TBC1D5: variants seen among roughly 807,000 people sequenced by gnomAD.
The protein encoded by TBC1D5 is TBC1 domain family member 5.
TBC1D5 carries 75 observed loss-of-function variants against 100.3 expected under a neutral mutation model. The ratio of observed to expected loss-of-function variants is 0.75; its 90% CI spans 0.62 to 0.91. The LOEUF (loss-of-function observed/expected upper bound fraction) is 0.91. Ranked by LOEUF, TBC1D5 falls within the 40% of genes least tolerant of loss-of-function variation. The pLI is 0.00. For missense variants in TBC1D5, 910 were observed against 942.4 expected, an observed-to-expected ratio of 0.97 and a Z score of 0.45; for synonymous variants, 323 against 325.6, an observed-to-expected ratio of 0.99 and a Z score of 0.09.
intron 4 of TBC1D5, among the ~76,000 whole-genome samples, chr3:17,419,499 C>T (rs983218736): frequency 2.0e-5 from 3 of 152,160 alleles, no homozygotes; most frequent in African/African-American, 7.2e-5. Flanking sequence ...TTCTAATATA[C>T]TGCAAAAGAA....
intron 17 of TBC1D5, among the ~76,000 whole-genome samples, chr3:17,224,161 T>C (rs2074591543): frequency 6.6e-6 from 1 of 152,180 alleles, no homozygotes; most frequent in Non-Finnish European, 1.5e-5. Flanking sequence ...TTCCTGCTTA[T>C]ATTACAATGG....
chr3:17,198,586 C>T (rs561844348), intron 18 of TBC1D5, among the ~76,000 whole-genome samples: 1 of 152,218 alleles, frequency 6.6e-6, no homozygotes, highest in South Asian at 2.1e-4. Flanking sequence ...GGCAAACCTA[C>T]CTTTAAAAAA....
At chr3:17,199,605 T>C (rs1206446454) in intron 18 of TBC1D5, among the ~76,000 whole-genome samples, 1 of 152,230 alleles carries the variant, frequency 6.6e-6, no homozygotes, top group Non-Finnish European at 1.5e-5. Flanking sequence ...TTAAGTTGAT[T>C]GGGACATTGT....
At chr3:17,732,133 T>A (rs562343811) in intron 1 of TBC1D5, among the ~76,000 whole-genome samples, 2 of 151,780 alleles carry the variant, frequency 1.3e-5, no homozygotes, top group African/African-American at 4.8e-5. Context: ...GCCTGGCCAA[T>A]GTGGTGAAAC....
chr3:17,632,401 T>C (rs762826740), intron 1 of TBC1D5, among the ~76,000 whole-genome samples: 7 of 152,216 alleles, frequency 4.6e-5, no homozygotes, highest in Non-Finnish European at 7.3e-5. Flanking sequence ...TGAACACTGT[T>C]GAAATGATAA....
At chr3:17,631,042 T>A (rs1334399314) in intron 1 of TBC1D5, among the ~76,000 whole-genome samples, 4 of 29,284 alleles carry the variant, frequency 1.4e-4, no homozygotes, top group African/African-American at 2.8e-4. Context: ...AGACTCCGTC[T>A]CAAAAAAAAA....
intron 14 of TBC1D5, among the ~76,000 whole-genome samples, chr3:17,302,995 G>T (rs1383027349): frequency 6.6e-6 from 1 of 152,172 alleles, no homozygotes; most frequent in African/African-American, 2.4e-5. Flanking sequence ...GCTGGGGCTG[G>T]CAAATTGCCC....
At chr3:17,667,944 T>C (rs1560419388) in intron 1 of TBC1D5, among the ~76,000 whole-genome samples, 1 of 151,820 alleles carries the variant, frequency 6.6e-6, no homozygotes, top group African/African-American at 2.4e-5. Context: ...ATTAACGCAT[T>C]TAATAAAACC....
At chr3:17,344,598 C>T (rs1407043489) in intron 13 of TBC1D5, among the ~76,000 whole-genome samples, 2 of 152,060 alleles carry the variant, frequency 1.3e-5, no homozygotes, top group Admixed American at 6.6e-5. Flanking sequence ...AAAAAGAGCC[C>T]GCATCGCCAA....
intron 1 of TBC1D5, among the ~76,000 whole-genome samples, chr3:17,669,880 G>GTTTT (rs373188839): frequency 1.2e-4 from 19 of 152,070 alleles, no homozygotes; most frequent in African/African-American, 4.6e-4. Flanking sequence ...ACTGTCCCAT[G>GTTTT]TTTTTTGTTT....
chr3:17,602,903 C>T (rs1358557777), intron 2 of TBC1D5, among the ~76,000 whole-genome samples: 1 of 152,006 alleles, frequency 6.6e-6, no homozygotes, highest in East Asian at 1.9e-4. Context: ...TGGCATTCCT[C>T]ACTTAAATCC....
At chr3:17,432,920 G>A (rs1336069018) in intron 3 of TBC1D5, among the ~76,000 whole-genome samples, 1 of 152,164 alleles carries the variant, frequency 6.6e-6, no homozygotes, top group Non-Finnish European at 1.5e-5. Flanking sequence ...TAACTTTTAG[G>A]ACTTTGTAAA....
rs185606899 is a variant in TBC1D5 at position 17,290,423 on chromosome 3, A to T, written c.1245+1472T>A. On this transcript the variant is annotated intron_variant, in intron 15 of 21. Transcript: ENST00000253692. ...ATCAACCATATTTAGCTAGGGAAAA[A>T]TTACCAAGATCGATAGGTTTTGATA... Among the ~76,000 whole-genome samples the T allele has an allele frequency of 7.7e-4, 118 of 152,340 alleles. 2 individuals are homozygous for T. The South Asian group carries it at 0.012, about 15-fold the overall frequency.
intron 14 of TBC1D5, among the ~76,000 whole-genome samples, chr3:17,294,767 GTATCTC>G (rs1251408049): frequency 2.0e-5 from 3 of 152,118 alleles, no homozygotes; most frequent in Non-Finnish European, 4.4e-5. Flanking sequence ...TCAGATAATG[GTATCTC>G]TAATTTGCTA....
At chr3:17,608,334 T>C (rs1407621719) in intron 2 of TBC1D5, among the ~76,000 whole-genome samples, 1 of 151,916 alleles carries the variant, frequency 6.6e-6, no homozygotes, top group Non-Finnish European at 1.5e-5. Context: ...AACTTCAAGA[T>C]AGCACAGTAA....
chr3:17,278,476 T>C (rs2080250168), intron 15 of TBC1D5, among the ~76,000 whole-genome samples: 1 of 152,250 alleles, frequency 6.6e-6, no homozygotes, highest in South Asian at 2.1e-4. Flanking sequence ...CAACAGAGTA[T>C]TTAAATGAGA....
At chr3:17,654,329 T>C (rs1211473044) in intron 1 of TBC1D5, among the ~76,000 whole-genome samples, 4 of 152,178 alleles carry the variant, frequency 2.6e-5, no homozygotes, top group African/African-American at 9.6e-5. Flanking sequence ...AATGAAATGA[T>C]TGAAAAAAAA....
chr3:17,615,752 C>T (rs2062092430), intron 2 of TBC1D5, among the ~76,000 whole-genome samples: 1 of 152,030 alleles, frequency 6.6e-6, no homozygotes, highest in Admixed American at 6.6e-5. Context: ...TCACTTTTGA[C>T]TGCATCTATT....
chr3:17,512,192 G>A (rs1012069501), intron 2 of TBC1D5, among the ~76,000 whole-genome samples: 1 of 151,970 alleles, frequency 6.6e-6, no homozygotes, highest in Non-Finnish European at 1.5e-5. Flanking sequence ...ATTCCAGTAA[G>A]AGAAAATGAT....
Sources: allele counts gnomAD v4.1 joint callset (sites outside exome capture counted in the v4.1 genomes callset), GRCh38; gene constraint gnomAD v4.1.1; transcripts MANE v1.5; gene names NCBI Gene and HGNC (gene_info 2026-07-23, HGNC 2026-07-21).